C6orf89: variants seen among roughly 807,000 people sequenced by gnomAD.
C6orf89 encodes chromosome 6 open reading frame 89.
A neutral mutation model predicts 40.7 loss-of-function variants in C6orf89; 29 were observed. The ratio of observed to expected loss-of-function variants is 0.71; its 90% CI spans 0.53 to 0.97. The LOEUF is 0.97. Ranked by LOEUF, C6orf89 falls within the 50% of genes least tolerant of loss-of-function variation. C6orf89 has a pLI of 0.00. For missense variants in C6orf89, 392 were observed against 429.1 expected (o/e 0.91, Z 0.76); for synonymous variants, 165 against 152.2 (o/e 1.08, Z -0.62).
chr6:36,886,066 C>T, intron 1 of C6orf89, 38 bp downstream of exon 1: 2 of 1,156,254 alleles, frequency 1.7e-6, no homozygotes, highest in Non-Finnish European at 2.1e-6. Context: ...GGGGGGAGGC[C>T]GCCCTGTGAC....
At chr6:36,884,037 G>A (rs994926611), upstream of C6orf89, among the ~76,000 whole-genome samples, 5 of 152,184 alleles carry the variant, frequency 3.3e-5, no homozygotes, top group African/African-American at 1.2e-4. The surrounding 1 kb of genome is among the most constrained non-coding windows in gnomAD (Gnocchi z 4.0). Flanking sequence ...AGAGGTAGGC[G>A]GATCCCCTGA....
At chr6:36,915,184 AG>A (rs1460896414) in intron 6 of C6orf89, among the ~76,000 whole-genome samples, 1 of 152,166 alleles carries the variant, frequency 6.6e-6, no homozygotes, top group Admixed American at 6.5e-5. Flanking sequence ...TGTCAGAAGG[AG>A]GGGTGCCACC....
In C6orf89 at chr6:36,886,044, C is replaced by G. The variant is rs1489113864; in HGVS notation, c.-120+16C>G. ...AGCCCCGCATGTGAGTGACTGGGGC[C>G]CGAGGCTGGGTGGGGGGAGGCCGCC... On this transcript the variant is annotated intron_variant, in intron 1 of 8. Coordinates refer to ENST00000480824, the MANE Select transcript of C6orf89 (RefSeq NM_001286635.2). The G allele has an allele frequency of 8.0e-7, 1 of 1,248,726 alleles. No homozygotes were observed. The highest frequency in any genetic ancestry group is 1.6e-5 in the African/African-American group (1 of 63,448). The allele number at this position is 1,248,726 out of a possible 1,614,324, so 77.4% of individuals were successfully genotyped here.
At chr6:36,921,766 A>C (rs919731344) in intron 8 of C6orf89, among the ~76,000 whole-genome samples, 1 of 152,214 alleles carries the variant, frequency 6.6e-6, no homozygotes, top group Admixed American at 6.5e-5. Flanking sequence ...GGTAGCTCAC[A>C]CCTATAATCC....
rs1774963114 is a variant in C6orf89 at position 36,885,975 on chromosome 6, C to T, written c.-173C>T. 2.4e-6 allele frequency: 3 copies of T among 1,262,470 alleles called. No homozygotes were observed. Among genetic ancestry groups the T allele is most frequent in the Admixed American group, 4.2e-5 (1 of 23,640 alleles). 78.2% of individuals were successfully genotyped at this position (1,262,470 alleles called of 1,614,324 possible). A position where few individuals can be genotyped will look rare whatever the true frequency, so the allele number is the denominator to read the frequency against. On this transcript the variant is annotated 5_prime_UTR_variant, in exon 1 of 9. Coordinates refer to ENST00000480824, the MANE Select transcript of C6orf89 (RefSeq NM_001286635.2). ...ACAGGAAGTTGCCCATCCTCCTCGC[C>T]CGGCGGCAGCTGTCCCCGAGGCGGG...
chr6:36,881,193 A>T (rs1306687257), upstream of C6orf89, among the ~76,000 whole-genome samples: 1 of 152,226 alleles, frequency 6.6e-6, no homozygotes, highest in Non-Finnish European at 1.5e-5. Context: ...ACATTGTAAT[A>T]TGTAATTGAG....
chr6:36,891,263 G>A (rs1038444663), intron 1 of C6orf89, among the ~76,000 whole-genome samples: 7 of 152,216 alleles, frequency 4.6e-5, no homozygotes, highest in African/African-American at 1.4e-4. Flanking sequence ...CTGTCCTTGC[G>A]ATAGTTTGCT....
chr6:36,885,839 G>A (rs1466854376), upstream of C6orf89: 3 of 437,030 alleles, frequency 6.9e-6, no homozygotes, highest in African/African-American at 2.0e-5. Flanking sequence ...CGCTCGCCAC[G>A]ACACTGAGTG....
At chr6:36,914,190 A>C in intron 4 of C6orf89, 94 bp from the exon 5 acceptor site, 1 of 1,136,162 alleles carries the variant, frequency 8.8e-7, no homozygotes, top group Non-Finnish European at 1.3e-6. Flanking sequence ...AGTCATTATG[A>C]TGTCTTTCCT....
At chr6:36,885,916 A>T, upstream of C6orf89, 1 of 989,448 alleles carries the variant, frequency 1.0e-6, no homozygotes, top group Non-Finnish European at 1.3e-6. Flanking sequence ...CTCGCCCAGG[A>T]GTGGGGGGTT....
intron 1 of C6orf89, among the ~76,000 whole-genome samples, chr6:36,874,030 G>A (rs1404644552): frequency 1.3e-5 from 2 of 152,236 alleles, no homozygotes; most frequent in East Asian, 3.8e-4. Flanking sequence ...CTAGCAAGGT[G>A]AGACGAGCAC....
chr6:36,888,708 C>T (rs1252854409), intron 1 of C6orf89, among the ~76,000 whole-genome samples: 1 of 152,130 alleles, frequency 6.6e-6, no homozygotes, highest in African/African-American at 2.4e-5. Context: ...TAGAGATTAA[C>T]TACATCTTTG....
intron 1 of C6orf89, among the ~76,000 whole-genome samples, chr6:36,873,021 G>A (rs12661551): frequency 0.19 from 29,654 of 152,186 alleles, 3,725 homozygotes; most frequent in East Asian, 0.36. Context: ...CAGCCTTTCT[G>A]CCTGAAATTC....
rs1473947135 is a variant in C6orf89, at chr6:36,923,748, G to C, written c.*307G>C. On this transcript the variant is annotated 3_prime_UTR_variant, in exon 9 of 9. Coordinates refer to ENST00000480824, the MANE Select transcript of C6orf89 (RefSeq NM_001286635.2). ...TGACCTTGATGCTGCCCTTCAGGCA[G>C]GAAACAGGGCTGGTGCCTTTCTTCA... 1 of 381,170 alleles carries C rather than the reference G, an allele frequency of 2.6e-6. No individual in the cohort carries two copies. The highest frequency in any genetic ancestry group is 5.1e-6 in the Non-Finnish European group (1 of 197,682). The allele number at this position is 381,170 out of a possible 1,614,324, so 23.6% of individuals were successfully genotyped here. A position where few individuals can be genotyped will look rare whatever the true frequency, so the allele number is the denominator to read the frequency against.
At chr6:36,921,389 C>T (rs1280619932) in intron 8 of C6orf89, among the ~76,000 whole-genome samples, 2 of 152,162 alleles carry the variant, frequency 1.3e-5, no homozygotes, top group African/African-American at 4.8e-5. Context: ...CTTAGGGACC[C>T]TTAAGAATGG....
upstream of C6orf89, chr6:36,885,871 TG>T: frequency 1.8e-6 from 1 of 570,250 alleles, no homozygotes; most frequent in South Asian, 7.9e-5. Flanking sequence ...GCGGAAGCGC[TG>T]GACGAGAGGA....
intron 4 of C6orf89, among the ~76,000 whole-genome samples, chr6:36,907,143 G>A (rs923356763): frequency 6.6e-6 from 1 of 152,114 alleles, no homozygotes; most frequent in African/African-American, 2.4e-5. Context: ...ATATATGCCA[G>A]GCACTGTTCT....
chr6:36,908,978 A>G (rs1046230641), intron 4 of C6orf89, among the ~76,000 whole-genome samples: 1 of 152,174 alleles, frequency 6.6e-6, no homozygotes, highest in African/African-American at 2.4e-5. Flanking sequence ...GATTGGATTC[A>G]GGGCTCATCC....
chr6:36,901,808 C>T (rs1328482700), intron 3 of C6orf89, among the ~76,000 whole-genome samples: 1 of 151,746 alleles, frequency 6.6e-6, no homozygotes, highest in African/African-American at 2.4e-5. Flanking sequence ...GTAGCTGGGA[C>T]TACAGGCGCC....
Sources: allele counts gnomAD v4.1 joint callset (sites outside exome capture counted in the v4.1 genomes callset), GRCh38; gene constraint gnomAD v4.1.1; non-coding constraint Gnocchi (gnomAD v3.1); transcripts MANE v1.5; gene names NCBI Gene and HGNC (gene_info 2026-07-23, HGNC 2026-07-21).